CDH18: variants seen among roughly 807,000 people sequenced by gnomAD.
CDH18 encodes the protein cadherin 18, also known as cadherin-18.
A neutral mutation model predicts 67.9 loss-of-function variants in CDH18; 31 were observed. That is an observed-to-expected ratio of 0.46 (90% CI 0.34 to 0.62). CDH18 has a LOEUF of 0.62. Ranked by LOEUF, CDH18 falls within the 20% of genes least tolerant of loss-of-function variation. The probability of loss-of-function intolerance (pLI) is 0.01; values close to 1 mark genes in which losing one functional copy is unlikely to be tolerated. For missense variants in CDH18, 890 were observed against 975.5 expected, an observed-to-expected ratio of 0.91 and a Z score of 1.17; for synonymous variants, 362 against 347.2, an observed-to-expected ratio of 1.04 and a Z score of -0.48.
chr5:19,844,044 G>T (rs1476411456), intron 2 of CDH18, among the ~76,000 whole-genome samples: 1 of 152,110 alleles, frequency 6.6e-6, no homozygotes, highest in Non-Finnish European at 1.5e-5. Flanking sequence ...TGATTTTATA[G>T]GCTCCTAGGT....
At chr5:20,204,026 A>G (rs1348527508) in intron 2 of CDH18, among the ~76,000 whole-genome samples, 1 of 152,082 alleles carries the variant, frequency 6.6e-6, no homozygotes, top group Non-Finnish European at 1.5e-5. Flanking sequence ...AAAGACAAAT[A>G]TAAGAATTAT....
chr5:20,003,755 G>A (rs1024467034), intron 2 of CDH18, among the ~76,000 whole-genome samples: 7 of 152,102 alleles, frequency 4.6e-5, no homozygotes, highest in Admixed American at 6.5e-5. Flanking sequence ...AAAATTAGCC[G>A]GGCGTGGTGG....
intron 5 of CDH18, among the ~76,000 whole-genome samples, chr5:19,718,744 A>G (rs2150565802): frequency 6.6e-6 from 1 of 152,120 alleles, no homozygotes; most frequent in South Asian, 2.1e-4. Context: ...ACTGATATTA[A>G]CACACATCAA....
At position 19,556,731 on chromosome 5, in the gene CDH18, G is replaced by T. The variant is rs149621542; in HGVS notation, c.1254-12726C>A. 5.6e-3 allele frequency among the ~76,000 whole-genome samples: 853 copies of T among 152,212 alleles called. 3 individuals are homozygous for T. Among genetic ancestry groups the T allele is most frequent in the Non-Finnish European group, 9.7e-3 (658 of 67,992 alleles). Reference sequence around the variant, plus strand: ...GGAATAATTGCAGAAAACTTCCCCAGCTTTCTTAGAGATCTAGACATTCAA... The same window carrying T: ...GGAATAATTGCAGAAAACTTCCCCATCTTTCTTAGAGATCTAGACATTCAA... On this transcript the variant is annotated intron_variant, in intron 8 of 12. Transcript: ENST00000382275.
chr5:19,902,140 T>C (rs1278706057), intron 2 of CDH18, among the ~76,000 whole-genome samples: 1 of 152,200 alleles, frequency 6.6e-6, no homozygotes. Context: ...TGTAGTACTT[T>C]ACATGTGACA....
chr5:19,698,797 A>C (rs1021984552), intron 5 of CDH18, among the ~76,000 whole-genome samples: 10 of 152,240 alleles, frequency 6.6e-5, no homozygotes, highest in Admixed American at 6.5e-5. Flanking sequence ...TCTTGGAGAG[A>C]TTGGGATAGG....
intron 1 of CDH18, among the ~76,000 whole-genome samples, chr5:20,505,624 C>A (rs957132816): frequency 7.9e-5 from 12 of 152,130 alleles, no homozygotes; most frequent in African/African-American, 2.9e-4. Flanking sequence ...TTCACACATA[C>A]ACATACACAT....
intron 3 of CDH18, among the ~76,000 whole-genome samples, chr5:19,831,040 T>G (rs1780973130): frequency 6.6e-6 from 1 of 151,570 alleles, no homozygotes; most frequent in African/African-American, 2.4e-5. Flanking sequence ...TTTGTGAGAG[T>G]GAAGGGTGAA....
At chr5:20,293,285 C>A (rs1747243723) in intron 1 of CDH18, among the ~76,000 whole-genome samples, 1 of 152,002 alleles carries the variant, frequency 6.6e-6, no homozygotes, top group Non-Finnish European at 1.5e-5. Context: ...CCATTGCACT[C>A]CAGCCTTGGT....
chr5:20,281,211 A>C (rs1422417815), intron 1 of CDH18, among the ~76,000 whole-genome samples: 2 of 152,014 alleles, frequency 1.3e-5, no homozygotes, highest in Non-Finnish European at 2.9e-5. Flanking sequence ...CTTTAGTTTA[A>C]TTAGATCCCA....
intron 1 of CDH18, among the ~76,000 whole-genome samples, chr5:20,516,878 C>T (rs1191451269): frequency 2.6e-5 from 4 of 151,916 alleles, no homozygotes; most frequent in East Asian, 3.9e-4. Flanking sequence ...TGACAAATTA[C>T]GTGTTTTCAA....
At chr5:19,827,962 T>G (rs973188929) in intron 3 of CDH18, among the ~76,000 whole-genome samples, 2 of 152,058 alleles carry the variant, frequency 1.3e-5, no homozygotes, top group African/African-American at 4.8e-5. Flanking sequence ...TAAATTAGAT[T>G]GATAGACTTG....
At chr5:19,595,009 T>G (rs1745939389) in intron 6 of CDH18, among the ~76,000 whole-genome samples, 1 of 152,086 alleles carries the variant, frequency 6.6e-6, no homozygotes, top group African/African-American at 2.4e-5. Flanking sequence ...TCCTTGTTTG[T>G]AGATAACATA....
At chr5:19,703,770 G>C (rs1763595377) in intron 5 of CDH18, among the ~76,000 whole-genome samples, 1 of 130,944 alleles carries the variant, frequency 7.6e-6, no homozygotes, top group South Asian at 2.4e-4. Context: ...AGCTACATTT[G>C]AGCCTTTTCC....
chr5:19,559,184 T>A (rs1307389403), intron 8 of CDH18, among the ~76,000 whole-genome samples: 1 of 152,170 alleles, frequency 6.6e-6, no homozygotes, highest in African/African-American at 2.4e-5. Flanking sequence ...TGTTTTTTGT[T>A]TCAATTTAAT....
chr5:20,394,884 T>C (rs929327207), intron 1 of CDH18, among the ~76,000 whole-genome samples: 1 of 151,862 alleles, frequency 6.6e-6, no homozygotes, highest in African/African-American at 2.4e-5. Flanking sequence ...CACAATAAGA[T>C]ACCACCTTAC....
intron 1 of CDH18, among the ~76,000 whole-genome samples, chr5:20,461,709 T>C (rs1751277453): frequency 6.6e-6 from 1 of 152,136 alleles, no homozygotes; most frequent in East Asian, 1.9e-4. Flanking sequence ...TTAAACATAG[T>C]ATATAATTAT....
At chr5:19,765,146 A>C (rs1285009748) in intron 3 of CDH18, among the ~76,000 whole-genome samples, 1 of 152,146 alleles carries the variant, frequency 6.6e-6, no homozygotes, top group Non-Finnish European at 1.5e-5. Context: ...CTCAGCTAAA[A>C]TCCAATTCAA....
chr5:19,886,785 G>A (rs779457769), intron 2 of CDH18, among the ~76,000 whole-genome samples: 1 of 152,048 alleles, frequency 6.6e-6, no homozygotes, highest in East Asian at 1.9e-4. Context: ...TTTGTTCACT[G>A]GTTTTCAACA....
Sources: gnomAD v4.1 joint callset for allele counts (sites outside exome capture counted in the v4.1 genomes callset) on GRCh38, gnomAD v4.1.1 for gene constraint, MANE v1.5 for transcripts, NCBI Gene and HGNC (gene_info 2026-07-23, HGNC 2026-07-21) for gene names.